ERLIN1: variants seen among roughly 807,000 people sequenced by gnomAD.
ERLIN1 encodes the protein ER lipid raft associated 1.
Under a neutral mutation model 46.9 loss-of-function variants are expected in ERLIN1, and 24 were observed. The ratio of observed to expected loss-of-function variants is 0.51; its 90% CI spans 0.37 to 0.72. The LOEUF (loss-of-function observed/expected upper bound fraction) is 0.72. Among genes scored for constraint, ERLIN1 ranks in the 30% least tolerant of loss-of-function variants. The pLI is 0.00. For synonymous variants in ERLIN1, 158 were observed against 143.2 expected (o/e 1.10, Z -0.74); for missense variants, 293 against 417.9 (o/e 0.70, Z 2.61).
At chr10:100,164,138 T>A in intron 7 of ERLIN1, 43 bp from the exon 8 acceptor site, 3 of 1,348,716 alleles carry the variant, frequency 2.2e-6, no homozygotes, top group Non-Finnish European at 2.1e-6. Context: ...GATTCTCCTA[T>A]GTGCAGTCAC....
chr10:100,169,194 G>C lies in ERLIN1; in HGVS notation c.505-1788C>G, dbSNP rs568070904. 8.5e-5 allele frequency among the ~76,000 whole-genome samples: 13 copies of C among 152,286 alleles called. 1 individual carries two copies. The South Asian group carries it at 2.7e-3, about 32-fold the overall frequency. On this transcript the variant is annotated intron_variant, in intron 6 of 10. Coordinates refer to ENST00000421367, the MANE Select transcript of ERLIN1 (RefSeq NM_006459.4). ...AGGCACCCCTCTCCCTCACAGGAGAGAGAGCTATTCTCCTTTCTGTTTCTT... is the reference window on the plus strand; with the variant it reads ...AGGCACCCCTCTCCCTCACAGGAGACAGAGCTATTCTCCTTTCTGTTTCTT...
At chr10:100,182,648 T>G (rs1844728092) in intron 2 of ERLIN1, among the ~76,000 whole-genome samples, 1 of 151,852 alleles carries the variant, frequency 6.6e-6, no homozygotes, top group Non-Finnish European at 1.5e-5. Flanking sequence ...AGAAAACACA[T>G]AAAAAAACTT....
At chr10:100,165,521 G>C (rs1291300100) in intron 7 of ERLIN1, among the ~76,000 whole-genome samples, 1 of 151,326 alleles carries the variant, frequency 6.6e-6, no homozygotes, top group Non-Finnish European at 1.5e-5. Context: ...CGAGTAGCTG[G>C]GACTACAGGC....
chr10:100,174,525 A>AT (rs1464472889), intron 5 of ERLIN1, among the ~76,000 whole-genome samples: 11 of 152,294 alleles, frequency 7.2e-5, no homozygotes, highest in Admixed American at 2.6e-4. Context: ...TTTACCCACT[A>AT]AATGTATTAC....
chr10:100,181,790 A>G (rs996896125), intron 2 of ERLIN1, among the ~76,000 whole-genome samples: 1 of 152,208 alleles, frequency 6.6e-6, no homozygotes, highest in Non-Finnish European at 1.5e-5. Context: ...CTGGGATTAC[A>G]GGCGTGAGCC....
In ERLIN1 at chr10:100,185,988, G is replaced by A. The variant is rs899382490; in HGVS notation, c.-362C>T. 7.0e-6 allele frequency: 3 copies of A among 428,972 alleles called. No homozygotes were observed. The highest frequency in any genetic ancestry group is 7.1e-5 in the East Asian group (2 of 28,298). 26.6% of individuals were successfully genotyped at this position (428,972 alleles called of 1,614,324 possible). A position where few individuals can be genotyped will look rare whatever the true frequency, so the allele number is the denominator to read the frequency against. On this transcript the variant is annotated 5_prime_UTR_variant, in exon 1 of 11. Transcript: ENST00000421367. ...GATCAGTGACGCATCGCCCCCGCCC[G>A]CACGTGCAGCCGACTCCCGCGCCGA... is the stretch of plus-strand genomic sequence containing the variant.
Position 100,185,920 on chromosome 10 carries a change from C to A in ERLIN1, c.-294G>T. 1 of 454,570 alleles carries A rather than the reference C, an allele frequency of 2.2e-6. No individual in the cohort carries two copies. Among genetic ancestry groups the A allele is most frequent in the Non-Finnish European group, 3.9e-6 (1 of 257,700 alleles). 28.2% of individuals were successfully genotyped at this position (454,570 alleles called of 1,614,324 possible). ...GGCACTAACTGAGAAGAAGCCCAGCCGCAGGCTCGCGAGGAAAGCCGACCC... is the reference window on the plus strand; with the variant it reads ...GGCACTAACTGAGAAGAAGCCCAGCAGCAGGCTCGCGAGGAAAGCCGACCC... On this transcript the variant is annotated 5_prime_UTR_variant, in exon 1 of 11. Coordinates refer to ENST00000421367, the MANE Select transcript of ERLIN1 (RefSeq NM_006459.4).
At chr10:100,166,177 T>C (rs1470819754) in intron 7 of ERLIN1, among the ~76,000 whole-genome samples, 1 of 152,150 alleles carries the variant, frequency 6.6e-6, no homozygotes, top group African/African-American at 2.4e-5. Flanking sequence ...CCCAGTACTT[T>C]GGGAGGCCAA....
chr10:100,155,608 A>G (rs10786582), intron 9 of ERLIN1, among the ~76,000 whole-genome samples: 37,427 of 151,292 alleles, frequency 0.25, 8,227 homozygotes, highest in African/African-American at 0.58. Flanking sequence ...TCCGCCTCCC[A>G]GGTTCACGCC....
chr10:100,167,237 G>T, intron 7 of ERLIN1, 111 bp downstream of exon 7: 1 of 780,284 alleles, frequency 1.3e-6, no homozygotes, highest in Non-Finnish European at 2.2e-6. Flanking sequence ...AAGAAGATAA[G>T]ACACATACTC....
chr10:100,162,928 G>T (rs961008192), intron 8 of ERLIN1, among the ~76,000 whole-genome samples: 1 of 152,102 alleles, frequency 6.6e-6, no homozygotes, highest in African/African-American at 2.4e-5. Context: ...AGGAGGCACT[G>T]GATAAGAATG....
At chr10:100,171,413 T>G (rs1331386889) in intron 6 of ERLIN1, among the ~76,000 whole-genome samples, 2 of 152,102 alleles carry the variant, frequency 1.3e-5, no homozygotes, top group Non-Finnish European at 2.9e-5. Flanking sequence ...AAATGCTATT[T>G]ATTTATTTAT....
At position 100,179,203 on chromosome 10, in the gene ERLIN1, T is replaced by C. The variant is rs1307287059; in HGVS notation, c.240A>G (p.Thr80=). 1 of 1,594,586 alleles carries C rather than the reference T, an allele frequency of 6.3e-7. No individual in the cohort carries two copies. Among genetic ancestry groups the C allele is most frequent in the South Asian group, 1.1e-5 (1 of 87,674 alleles). ...TDEVKNVPCG[T]SGGVMIYIDR... ...TCGTAGGCAAAGAGAAAGCTTACCT[T>C]GTTCCACAAGGCACATTTTTAACTT... The change falls in exon 3 of 11, where the codon ACA becomes ACG. Residue 80 remains threonine (T), a splice_region_variant and synonymous_variant. Transcript: ENST00000421367.
intron 9 of ERLIN1, among the ~76,000 whole-genome samples, chr10:100,155,676 G>A (rs991917038): frequency 2.6e-5 from 4 of 151,954 alleles, no homozygotes; most frequent in African/African-American, 4.8e-5. Flanking sequence ...CACCACGCCC[G>A]GCTAATTTTT....
intron 2 of ERLIN1, among the ~76,000 whole-genome samples, chr10:100,183,284 AG>A (rs1844766845): frequency 6.6e-6 from 1 of 152,226 alleles, no homozygotes; most frequent in African/African-American, 2.4e-5. Flanking sequence ...ACATTCACTA[AG>A]GTTCCACATA....
chr10:100,171,312 C>T (rs1843980043), intron 6 of ERLIN1, among the ~76,000 whole-genome samples: 1 of 152,058 alleles, frequency 6.6e-6, no homozygotes, highest in Non-Finnish European at 1.5e-5. Context: ...TAAAAAAGAG[C>T]TACAATAACT....
chr10:100,174,974 T>C lies in ERLIN1; in HGVS notation c.431-693A>G, dbSNP rs369741176. On this transcript the variant is annotated intron_variant, in intron 5 of 10. Transcript: ENST00000421367. ...GTTTCCTCACATGCCACTTCAGTGGTTGACAATCACCAAAGAGGACTCAAT... is the reference window on the plus strand; with the variant it reads ...GTTTCCTCACATGCCACTTCAGTGGCTGACAATCACCAAAGAGGACTCAAT... Among the ~76,000 whole-genome samples, 98 of 152,322 alleles carry C rather than the reference T, an allele frequency of 6.4e-4. 4 individuals are homozygous for C. The South Asian group carries it at 0.019, about 30-fold the overall frequency.
rs755701548 is a variant in ERLIN1, at chr10:100,185,561, G to A, written c.66C>T (p.Tyr22=). 3 of 1,614,020 alleles carry A rather than the reference G, an allele frequency of 1.9e-6. No individual in the cohort carries two copies. Among genetic ancestry groups the A allele is most frequent in the Non-Finnish European group, 8.5e-7 (1 of 1,179,856 alleles). ...CCTCCTCAATCTTGTGGATGGAGGC[G>A]TAGAGCAGGACAGCCACCAACCCCA... ...AVVGLVAVLL[Y]ASIHKIEEGH... The change falls in exon 1 of 11, where the codon TAC becomes TAT. Residue 22 remains tyrosine (Y), a synonymous_variant. Transcript: ENST00000421367.
chr10:100,164,515 C>A (rs1264715212), intron 7 of ERLIN1, among the ~76,000 whole-genome samples: 1 of 152,188 alleles, frequency 6.6e-6, no homozygotes, highest in East Asian at 1.9e-4. Context: ...CAGAATGAAG[C>A]TGGGTTTCAG....
Sources: allele counts gnomAD v4.1 joint callset (sites outside exome capture counted in the v4.1 genomes callset), GRCh38; gene constraint gnomAD v4.1.1; transcripts MANE v1.5; gene names NCBI Gene and HGNC (gene_info 2026-07-23, HGNC 2026-07-21).